Variants in GRIP1 observed in about 807,000 individuals in gnomAD.
The protein encoded by GRIP1 is glutamate receptor interacting protein 1.
A neutral mutation model predicts 129.9 loss-of-function variants in GRIP1; 45 were observed. The ratio of observed to expected loss-of-function variants is 0.35; its 90% CI spans 0.27 to 0.44. The LOEUF is 0.44. GRIP1 is among the 20% of genes least tolerant of loss of function. The probability of loss-of-function intolerance (pLI) is 1.00; values close to 1 mark genes in which losing one functional copy is unlikely to be tolerated. For synonymous variants in GRIP1, 530 were observed against 520.8 expected, an observed-to-expected ratio of 1.02 and a Z score of -0.24; for missense variants, 1,196 against 1,396.8, an observed-to-expected ratio of 0.86 and a Z score of 2.29.
intron 1 of GRIP1, among the ~76,000 whole-genome samples, chr12:66,992,430 C>G (rs1011741164): frequency 6.6e-6 from 1 of 152,028 alleles, no homozygotes; most frequent in African/African-American, 2.4e-5. Flanking sequence ...GGAACCATGT[C>G]AATTCAGGAA....
chr12:66,816,414 C>G (rs1488795523), intron 1 of GRIP1, among the ~76,000 whole-genome samples: 1 of 152,104 alleles, frequency 6.6e-6, no homozygotes, highest in Non-Finnish European at 1.5e-5. Context: ...GCACTCAGTT[C>G]CTGTATATTG....
intron 7 of GRIP1, among the ~76,000 whole-genome samples, chr12:66,513,221 C>G (rs951056981): frequency 2.0e-5 from 3 of 152,054 alleles, no homozygotes; most frequent in Non-Finnish European, 4.4e-5. Flanking sequence ...GACTTAAGGC[C>G]ACAATTTTAG....
In GRIP1 at chr12:66,769,081, C is replaced by T. The variant is rs572653367; in HGVS notation, c.-420+34972G>A. 2.6e-5 allele frequency among the ~76,000 whole-genome samples: 4 copies of T among 152,308 alleles called. No homozygotes were observed. The East Asian group carries it at 5.8e-4, about 22-fold the overall frequency. ...TGTTGAAGAGCAGCTGGTTGGGCCC[C>T]ACCCCCAGAGTTTCTGACGCAGTAG... is the stretch of plus-strand genomic sequence containing the variant. On this transcript the variant is annotated intron_variant, in intron 1 of 4. Transcript: ENST00000538373.
intron 7 of GRIP1, among the ~76,000 whole-genome samples, chr12:66,478,984 A>G (rs903838900): frequency 6.6e-6 from 1 of 152,072 alleles, no homozygotes; most frequent in Non-Finnish European, 1.5e-5. Context: ...CATATGTAAC[A>G]AACCTGCACG....
At chr12:66,981,832 G>T (rs376627906) in intron 1 of GRIP1, among the ~76,000 whole-genome samples, 1 of 152,184 alleles carries the variant, frequency 6.6e-6, no homozygotes, top group Admixed American at 6.5e-5. Flanking sequence ...TGCCTACATG[G>T]TGAGACAGCC....
At chr12:67,066,880 A>ATATATTTTTTTT (rs2043634417) in intron 1 of GRIP1, among the ~76,000 whole-genome samples, 1 of 41,960 alleles carries the variant, frequency 2.4e-5, no homozygotes, top group Non-Finnish European at 4.8e-5. Context: ...CTCAGTTTAA[A>ATATATTTTTTTT]TATATATTTA....
At chr12:66,741,417 A>T (rs2036782955) in intron 1 of GRIP1, among the ~76,000 whole-genome samples, 1 of 152,292 alleles carries the variant, frequency 6.6e-6, no homozygotes, top group South Asian at 2.1e-4. Context: ...ACTCAGAGGG[A>T]AAATGTGGGG....
chr12:66,838,662 G>A (rs919589926), intron 1 of GRIP1, among the ~76,000 whole-genome samples: 10 of 152,188 alleles, frequency 6.6e-5, no homozygotes, highest in South Asian at 2.1e-4. Flanking sequence ...AGCATCACCC[G>A]ATAAGGGGGC....
intron 2 of GRIP1, among the ~76,000 whole-genome samples, chr12:66,570,433 AG>A (rs1338314544): frequency 6.6e-6 from 1 of 152,198 alleles, no homozygotes; most frequent in Non-Finnish European, 1.5e-5. Context: ...CTTCCAGAGA[AG>A]ATAGAGACCA....
chr12:66,405,426 T>A (rs898955625), intron 16 of GRIP1, among the ~76,000 whole-genome samples: 11 of 152,214 alleles, frequency 7.2e-5, no homozygotes, highest in Non-Finnish European at 5.9e-5. Flanking sequence ...ATTCTTATCA[T>A]AATCAGATAA....
chr12:66,492,577 G>T (rs1189005329), intron 7 of GRIP1, among the ~76,000 whole-genome samples: 1 of 152,166 alleles, frequency 6.6e-6, no homozygotes, highest in Non-Finnish European at 1.5e-5. Context: ...CTTGAATTCA[G>T]TGAGTCCCCA....
At chr12:66,583,709 T>C (rs1217020384) in intron 2 of GRIP1, among the ~76,000 whole-genome samples, 1 of 138,952 alleles carries the variant, frequency 7.2e-6, no homozygotes, top group Admixed American at 7.4e-5. Flanking sequence ...CACAGTGATA[T>C]ACCATCTCAC....
chr12:66,827,580 G>GA (rs2039442102), intron 1 of GRIP1, among the ~76,000 whole-genome samples: 1 of 152,126 alleles, frequency 6.6e-6, no homozygotes, highest in Non-Finnish European at 1.5e-5. Flanking sequence ...AAGGGGAGGG[G>GA]ATCACACAAG....
At chr12:67,038,185 T>C (rs750319080) in intron 1 of GRIP1, among the ~76,000 whole-genome samples, 4 of 152,124 alleles carry the variant, frequency 2.6e-5, no homozygotes, top group East Asian at 1.9e-4. Context: ...GGAGAGTCCA[T>C]AGAAGGCAGA....
intron 2 of GRIP1, among the ~76,000 whole-genome samples, chr12:66,559,535 G>A (rs1022618573): frequency 6.6e-6 from 1 of 152,108 alleles, no homozygotes; most frequent in African/African-American, 2.4e-5. Flanking sequence ...TATGCCAACA[G>A]TGAACAATCT....
intron 5 of GRIP1, among the ~76,000 whole-genome samples, chr12:66,522,563 G>A (rs984579011): frequency 6.6e-6 from 1 of 152,150 alleles, no homozygotes; most frequent in Non-Finnish European, 1.5e-5. Flanking sequence ...ACCAAAAGTA[G>A]ATAAAACCAC....
intron 1 of GRIP1, among the ~76,000 whole-genome samples, chr12:66,674,858 T>A (rs2034251107): frequency 6.6e-6 from 1 of 151,700 alleles, no homozygotes; most frequent in Admixed American, 6.6e-5. Context: ...GAAAAGATAC[T>A]GAGGTTGGGA....
chr12:66,422,067 A>G (rs1250373547), intron 14 of GRIP1, among the ~76,000 whole-genome samples: 1 of 152,182 alleles, frequency 6.6e-6, no homozygotes, highest in African/African-American at 2.4e-5. Context: ...ACAGGCCCCT[A>G]AAGTAAGATT....
chr12:66,429,906 T>A (rs4128354), intron 14 of GRIP1, among the ~76,000 whole-genome samples: 72,186 of 151,930 alleles, frequency 0.48, 20,551 homozygotes, highest in Non-Finnish European at 0.63. Flanking sequence ...CACAGAGAGG[T>A]TGAGGGAATC....
Sources: allele counts gnomAD v4.1 joint callset (sites outside exome capture counted in the v4.1 genomes callset), GRCh38; gene constraint gnomAD v4.1.1; transcripts MANE v1.5; gene names NCBI Gene and HGNC (gene_info 2026-07-23, HGNC 2026-07-21).